Variants in SSBP4 observed in about 807,000 individuals in gnomAD.
SSBP4 encodes the protein single stranded DNA binding protein 4.
SSBP4 carries 33 observed loss-of-function variants against 64.6 expected under a neutral mutation model. The ratio of observed to expected loss-of-function variants is 0.51; its 90% confidence interval spans 0.39 to 0.68. The LOEUF (loss-of-function observed/expected upper bound fraction) is 0.68. Among genes scored for constraint, SSBP4 ranks in the 30% least tolerant of loss-of-function variants. The probability of loss-of-function intolerance (pLI) is 0.00; values close to 1 mark genes in which losing one functional copy is unlikely to be tolerated. For missense variants in SSBP4, 583 were observed against 566.8 expected, an observed-to-expected ratio of 1.03 and a Z score of -0.29; for synonymous variants, 243 against 224.0, an observed-to-expected ratio of 1.08 and a Z score of -0.76.
intron 4 of SSBP4, 65 bp downstream of exon 4, chr19:18,428,047 GAGGT>G: frequency 2.3e-5 from 28 of 1,193,540 alleles, no homozygotes; most frequent in East Asian, 1.0e-4. Flanking sequence ...TGTGGCTGGG[GAGGT>G]GGGGTGGGGG....
At chr19:18,433,334 C>G in intron 15 of SSBP4, 121 bp downstream of exon 15, 2 of 1,368,622 alleles carry the variant, frequency 1.5e-6, no homozygotes, top group Non-Finnish European at 2.0e-6. Flanking sequence ...CTGAGCCCCC[C>G]GGGGGCCGCT....
In SSBP4 at chr19:18,431,407, C is replaced by A; in HGVS notation, c.424C>A (p.Pro142Thr). 1.3e-6 allele frequency: 2 copies of A among 1,504,272 alleles called. No individual in the cohort carries two copies. The highest frequency in any genetic ancestry group is 1.8e-6 in the Non-Finnish European group (2 of 1,115,732). The allele number at this position is 1,504,272 out of a possible 1,614,324, so 93.2% of individuals were successfully genotyped here. ...PHNPNAPMMG[P>T]HGQPFMSPRF... is the part of the protein sequence containing the mutation. ...CAACCCCAACGCCCCCATGATGGGG[C>A]CTCACGGTCAGGTAAGGAGCTGTGG... The change falls in exon 6 of 18, where the codon CCT becomes ACT. Residue 142 changes from proline to threonine, a missense_variant. Coordinates refer to ENST00000270061, the MANE Select transcript of SSBP4 (RefSeq NM_032627.5).
the SSBP4 span, among the ~76,000 whole-genome samples, chr19:18,407,068 G>T: frequency 1.3e-5 from 2 of 151,568 alleles, no homozygotes; most frequent in Non-Finnish European, 1.5e-5. Flanking sequence ...ATGGAGTCTC[G>T]CTCTGTCTCC....
chr19:18,421,621 A>G (rs910625665), intron 1 of SSBP4, among the ~76,000 whole-genome samples: 3 of 152,238 alleles, frequency 2.0e-5, no homozygotes, highest in African/African-American at 7.2e-5. Context: ...TGGATGATAG[A>G]TAGCGAAGGG....
At chr19:18,433,646 T>G in intron 16 of SSBP4, 33 bp downstream of exon 16, 1 of 434,610 alleles carries the variant, frequency 2.3e-6, no homozygotes, top group Non-Finnish European at 2.8e-6. Flanking sequence ...GGGGGTGGGA[T>G]CCGGGGGGGG....
intron 1 of SSBP4, chr19:18,425,980 A>C (rs918973190): frequency 4.6e-5 from 7 of 152,442 alleles, no homozygotes; most frequent in African/African-American, 1.7e-4. Flanking sequence ...TGCACTGCGC[A>C]AAAGGCACTT....
At position 18,426,465 on chromosome 19, in the gene SSBP4, C is replaced by T. The variant is rs991572810; in HGVS notation, c.60-886C>T. ...GGGAGCGGCTCAGTTCCAGGGAGGT[C>T]CAGAAGGGCTGGTGCCACAGGACTG... is the stretch of plus-strand genomic sequence containing the variant. On this transcript the variant is annotated intron_variant, in intron 1 of 17. Coordinates refer to ENST00000270061, the MANE Select transcript of SSBP4 (RefSeq NM_032627.5). The surrounding 1 kb of genome is among the most constrained non-coding windows in gnomAD (Gnocchi z 4.5). Among the ~76,000 whole-genome samples, 8 of 152,164 alleles carry T rather than the reference C, an allele frequency of 5.3e-5. No homozygotes were observed. The highest frequency in any genetic ancestry group is 1.0e-4 in the Non-Finnish European group (7 of 67,998).
Position 18,419,461 on chromosome 19 carries a change from G to C in SSBP4, c.-188G>C. ...AAAAGCCACCCTGCGGCCGGGGCCG[G>C]AGCTGGAGCCGCCGCTGCCGCCGCC... On this transcript the variant is annotated 5_prime_UTR_variant, in exon 1 of 18. Transcript: ENST00000270061. The C allele has an allele frequency of 9.4e-7, 1 of 1,069,214 alleles. No individual in the cohort carries two copies. The highest frequency in any genetic ancestry group is 1.1e-6 in the Non-Finnish European group (1 of 885,494). The allele number at this position is 1,069,214 out of a possible 1,614,324, so 66.2% of individuals were successfully genotyped here. A position where few individuals can be genotyped will look rare whatever the true frequency, so the allele number is the denominator to read the frequency against.
At chr19:18,425,260 C>T (rs1266815577) in intron 1 of SSBP4, among the ~76,000 whole-genome samples, 1 of 152,052 alleles carries the variant, frequency 6.6e-6, no homozygotes, top group Non-Finnish European at 1.5e-5. Context: ...GTGTGGGGTA[C>T]CCAGAATGCA....
Position 18,427,282 on chromosome 19 carries a change from A to G in SSBP4, c.60-69A>G. 4 of 1,536,996 alleles carry G rather than the reference A, an allele frequency of 2.6e-6. No homozygotes were observed. The highest frequency in any genetic ancestry group is 1.7e-5 in the Admixed American group (1 of 57,148). ...ACCTTTCCACCCGCCCTCCTGAGAGATGGAGGGGCTTTGGGGTGGGCCCTT... is the reference window on the plus strand; with the variant it reads ...ACCTTTCCACCCGCCCTCCTGAGAGGTGGAGGGGCTTTGGGGTGGGCCCTT... On this transcript the variant is annotated intron_variant, in intron 1 of 17. Coordinates refer to ENST00000270061, the MANE Select transcript of SSBP4 (RefSeq NM_032627.5). The surrounding 1 kb of genome is among the most constrained non-coding windows in gnomAD (Gnocchi z 4.4).
At chr19:18,422,051 C>T (rs529246642) in intron 1 of SSBP4, among the ~76,000 whole-genome samples, 1 of 152,162 alleles carries the variant, frequency 6.6e-6, no homozygotes, top group Non-Finnish European at 1.5e-5. Flanking sequence ...ATCCCAGCTA[C>T]TCTGGAGGCT....
intron 12 of SSBP4, 32 bp from the exon 13 acceptor site, chr19:18,432,797 C>T: frequency 6.2e-7 from 1 of 1,613,730 alleles, no homozygotes; most frequent in Non-Finnish European, 8.5e-7. Context: ...GATGAGGGGC[C>T]ATTTCTCACG....
chr19:18,428,629 G>A (rs1031100433), intron 4 of SSBP4, among the ~76,000 whole-genome samples: 2 of 152,176 alleles, frequency 1.3e-5, no homozygotes, highest in African/African-American at 4.8e-5. Context: ...CCTCTGTTGG[G>A]TCTGAGGGGG....
Position 18,432,598 on chromosome 19 carries a change from A to G in SSBP4, c.744A>G (p.Gly248=). The G allele has an allele frequency of 1.3e-6, 2 of 1,572,502 alleles. No individual in the cohort carries two copies. The highest frequency in any genetic ancestry group is 1.7e-6 in the Non-Finnish European group (2 of 1,155,548). The change falls in exon 11 of 18, where the codon GGA becomes GGG. Residue 248 remains glycine (G), a synonymous_variant. Coordinates refer to ENST00000270061, the MANE Select transcript of SSBP4 (RefSeq NM_032627.5). ...GVRGPWASPS[G]NSIPYSSSSP... ...GTGGCCCGTGGGCCAGCCCCAGTGG[A>G]AACTCGGTGAGCCTATGGCTGGGTG...
chr19:18,404,809 G>A, the SSBP4 span, among the ~76,000 whole-genome samples: 5 of 144,956 alleles, frequency 3.4e-5, no homozygotes, highest in Admixed American at 7.0e-5. Context: ...GGAGAATAGC[G>A]TGAACCTGGG....
At chr19:18,430,667 C>T (rs546037002) in intron 4 of SSBP4, among the ~76,000 whole-genome samples, 174 bp from the exon 5 acceptor site, 1 of 152,290 alleles carries the variant, frequency 6.6e-6, no homozygotes, top group African/African-American at 2.4e-5. Flanking sequence ...ATCCTGCGTC[C>T]TACAGGGTCT....
At chr19:18,413,879 T>C (rs1156874154), upstream of SSBP4, among the ~76,000 whole-genome samples, 1 of 152,070 alleles carries the variant, frequency 6.6e-6, no homozygotes, top group East Asian at 1.9e-4. Context: ...TAGCCAGGTG[T>C]GGTGGCAGGC....
chr19:18,428,054 G>A, intron 4 of SSBP4, 72 bp downstream of exon 4: 1 of 1,442,172 alleles, frequency 6.9e-7, no homozygotes, highest in South Asian at 1.2e-5. Flanking sequence ...GGGGAGGTGG[G>A]GTGGGGGGCT....
chr19:18,409,029 G>A, the SSBP4 span, among the ~76,000 whole-genome samples: 5 of 151,064 alleles, frequency 3.3e-5, no homozygotes, highest in African/African-American at 1.2e-4. Flanking sequence ...GCATAGGCTG[G>A]TCTCAAACTC....
Sources: allele counts gnomAD v4.1 joint callset (sites outside exome capture counted in the v4.1 genomes callset), GRCh38; gene constraint gnomAD v4.1.1; non-coding constraint Gnocchi (gnomAD v3.1); transcripts MANE v1.5; gene names NCBI Gene and HGNC (gene_info 2026-07-23, HGNC 2026-07-21).